CIITA: variants seen among roughly 807,000 people sequenced by gnomAD.
CIITA encodes MHC class II transactivator.
In CIITA, 72 loss-of-function variants were observed where a neutral mutation model predicts 115.1. The observed-to-expected ratio is 0.63, with a 90% CI of 0.52 to 0.76. The LOEUF (loss-of-function observed/expected upper bound fraction) is 0.76, where lower values mean the gene tolerates loss of function less well. CIITA is among the 30% of genes least tolerant of loss of function. CIITA has a pLI of 0.00. For missense variants in CIITA, 1,617 were observed against 1,463.8 expected (o/e 1.10, Z -1.71); for synonymous variants, 763 against 635.6 (o/e 1.20, Z -3.02).
chr16:10,881,045 G>C (rs544017089), intron 1 of CIITA, among the ~76,000 whole-genome samples: 223 of 152,120 alleles, frequency 1.5e-3, no homozygotes, highest in Middle Eastern at 3.2e-3. Flanking sequence ...AGGCCGAGGC[G>C]GGTGGATTGC....
chr16:10,887,655 C>A (rs1243420645), intron 1 of CIITA, among the ~76,000 whole-genome samples: 1 of 152,140 alleles, frequency 6.6e-6, no homozygotes, highest in African/African-American at 2.4e-5. Context: ...ACCACCACGC[C>A]CAGCTCATTT....
chr16:10,882,555 C>A (rs368983572), intron 1 of CIITA, among the ~76,000 whole-genome samples: 15 of 151,780 alleles, frequency 9.9e-5, no homozygotes, highest in African/African-American at 3.1e-4. Context: ...AGAGCAAGAC[C>A]TTTTTTTAGG....
chr16:10,884,924 A>C (rs1213551789), intron 1 of CIITA, among the ~76,000 whole-genome samples: 1 of 152,048 alleles, frequency 6.6e-6, no homozygotes, highest in African/African-American at 2.4e-5. Flanking sequence ...GACATAATTG[A>C]ATCCTGCCTC....
intron 13 of CIITA, among the ~76,000 whole-genome samples, chr16:10,914,629 T>G (rs2039824176): frequency 6.6e-6 from 1 of 152,158 alleles, no homozygotes. Context: ...TTGTCCTTAT[T>G]TTTCTCATCC....
At chr16:10,908,208 G>A in intron 11 of CIITA, 59 bp downstream of exon 11, 1 of 1,541,592 alleles carries the variant, frequency 6.5e-7, no homozygotes, top group Non-Finnish European at 8.8e-7. Context: ...TGCGGTCTTG[G>A]TGCCAAGCCC....
rs8045414 is a variant in CIITA, at chr16:10,925,627, G to T, written c.*1772G>T. On this transcript the variant is annotated 3_prime_UTR_variant, in exon 20 of 20. Coordinates refer to ENST00000324288, the MANE Select transcript of CIITA (RefSeq NM_000246.4). ...ACCCAGCCCACTTCTGCCATATTCT[G>T]TTGGCCAGTGTGACAAGGATTGCTA... 6.6e-6 allele frequency: 1 copy of T among 152,324 alleles called. No homozygotes were observed. Among genetic ancestry groups the T allele is most frequent in the Non-Finnish European group, 1.5e-5 (1 of 68,134 alleles). The allele number at this position is 152,324 out of a possible 1,614,324, so 9.4% of individuals were successfully genotyped here. A position where few individuals can be genotyped will look rare whatever the true frequency, so the allele number is the denominator to read the frequency against.
At chr16:10,868,959 G>A (rs1008096225) in intron 1 of CIITA, among the ~76,000 whole-genome samples, 1 of 152,228 alleles carries the variant, frequency 6.6e-6, no homozygotes, top group African/African-American at 2.4e-5. Context: ...ACCTGCGACA[G>A]TGGGCAGGTG....
Position 10,895,313 on chromosome 16 carries a change from G to A in CIITA, c.84G>A (p.Gly28=), listed in dbSNP as rs2038012642. Residue 28 remains glycine (G), a synonymous_variant, in exon 2 of 20, where the codon GGG becomes GGA. Coordinates refer to ENST00000324288, the MANE Select transcript of CIITA (RefSeq NM_000246.4). ...CACAGTGTGCCACCATGGAGTTGGGGCCCCTAGAAGGTGGCTACCTGGAGC... is the reference window on the plus strand; with the variant it reads ...CACAGTGTGCCACCATGGAGTTGGGACCCCTAGAAGGTGGCTACCTGGAGC... ...GSSQCATMEL[G]PLEGGYLELL... 1 of 1,613,974 alleles carries A rather than the reference G, an allele frequency of 6.2e-7. No homozygotes were observed.
rs371668198 is a variant in CIITA, at chr16:10,909,199, G to C, written c.2816+12G>C. On this transcript the variant is annotated intron_variant, in intron 12 of 19. Transcript: ENST00000324288. ...GTGCAGACTCAGAGGTGAGAGGAGAGGCGGATGGGAGGTGGTTCACGCCAT... is the reference window on the plus strand; with the variant it reads ...GTGCAGACTCAGAGGTGAGAGGAGACGCGGATGGGAGGTGGTTCACGCCAT... The C allele has an allele frequency of 8.1e-6, 13 of 1,613,990 alleles. No individual in the cohort carries two copies. The highest frequency in any genetic ancestry group is 1.1e-5 in the Non-Finnish European group (13 of 1,179,932).
chr16:10,889,744 C>A (rs2037356461), intron 1 of CIITA, among the ~76,000 whole-genome samples: 1 of 152,270 alleles, frequency 6.6e-6, no homozygotes, highest in Non-Finnish European at 1.5e-5. Flanking sequence ...GTCTCAAACT[C>A]CTGACCTCAA....
rs1567455579 is a variant in CIITA at position 10,925,737 on chromosome 16, C to G, written c.*1882C>G. On this transcript the variant is annotated 3_prime_UTR_variant, in exon 20 of 20. Coordinates refer to ENST00000324288, the MANE Select transcript of CIITA (RefSeq NM_000246.4). ...ACATACACACACACGCGTGCACACA[C>G]CAGAGCCCACCTTGGCTCAAGTCCT... The G allele has an allele frequency of 6.6e-6, 1 of 152,274 alleles. No individual in the cohort carries two copies. The allele number at this position is 152,274 out of a possible 1,614,324, so 9.4% of individuals were successfully genotyped here. A position where few individuals can be genotyped will look rare whatever the true frequency, so the allele number is the denominator to read the frequency against.
At chr16:10,887,860 CCTT>C (rs1225103233) in intron 1 of CIITA, among the ~76,000 whole-genome samples, 1 of 152,138 alleles carries the variant, frequency 6.6e-6, no homozygotes, top group Non-Finnish European at 1.5e-5. Context: ...AGCAAAAGAG[CCTT>C]CTTCTCCCTT....
intron 1 of CIITA, among the ~76,000 whole-genome samples, chr16:10,886,984 C>A (rs2143892352): frequency 6.6e-6 from 1 of 152,318 alleles, no homozygotes; most frequent in African/African-American, 2.4e-5. Flanking sequence ...AGGAACTGAG[C>A]TCAGTGACTT....
At chr16:10,877,926 A>G (rs1232387784) in intron 1 of CIITA, among the ~76,000 whole-genome samples, 1 of 152,130 alleles carries the variant, frequency 6.6e-6, no homozygotes, top group Non-Finnish European at 1.5e-5. Flanking sequence ...TGGTGGGAAG[A>G]GCACAGTGCA....
chr16:10,916,079 A>C (rs7186030), intron 14 of CIITA, among the ~76,000 whole-genome samples: 2,404 of 152,316 alleles, frequency 0.016, 73 homozygotes, highest in African/African-American at 0.053. Context: ...CCTACTTTAC[A>C]GTGGAGGTTA....
At position 10,928,739 on chromosome 16, in the gene CIITA, G is replaced by C. The variant is rs907552257; in HGVS notation, c.*4884G>C. 6.6e-6 allele frequency: 1 copy of C among 152,288 alleles called. No individual in the cohort carries two copies. The highest frequency in any genetic ancestry group is 2.4e-5 in the African/African-American group (1 of 41,424). 9.4% of individuals were successfully genotyped at this position (152,288 alleles called of 1,614,324 possible). On this transcript the variant is annotated 3_prime_UTR_variant, in exon 20 of 20. Coordinates refer to ENST00000324288, the MANE Select transcript of CIITA (RefSeq NM_000246.4). ...ATGCTGTCCCTGGCTTGTGGAGTGG[G>C]GCAGGGGGCCAGCCTGGGACTTTCA...
In CIITA at chr16:10,941,599, T is replaced by G; in HGVS notation, n.725T>G. On this transcript the variant is annotated non_coding_transcript_exon_variant, in exon 2 of 2. Coordinates refer to the CIITA transcript ENST00000573379. The surrounding 1 kb of genome is among the most constrained non-coding windows in gnomAD (Gnocchi z 6.4). ...TCGGAGGCAGGGGAGGGTCTCCTCC[T>G]GGGGAACCATCCCCGTCCAGATGGT... is the stretch of plus-strand genomic sequence containing the variant. 1 of 1,486,304 alleles carries G rather than the reference T, an allele frequency of 6.7e-7. No individual in the cohort carries two copies. The highest frequency in any genetic ancestry group is 1.4e-5 in the South Asian group (1 of 71,426). 92.1% of individuals were successfully genotyped at this position (1,486,304 alleles called of 1,614,324 possible). A position where few individuals can be genotyped will look rare whatever the true frequency, so the allele number is the denominator to read the frequency against.
At chr16:10,868,093 C>T (rs553286980) in intron 1 of CIITA, among the ~76,000 whole-genome samples, 1 of 152,250 alleles carries the variant, frequency 6.6e-6, no homozygotes, top group African/African-American at 2.4e-5. Context: ...GGTGTTTGTT[C>T]CATCTCCTTC....
intron 1 of CIITA, among the ~76,000 whole-genome samples, chr16:10,891,327 G>C (rs1348122685): frequency 1.3e-5 from 2 of 152,152 alleles, no homozygotes; most frequent in Non-Finnish European, 2.9e-5. Flanking sequence ...ATGAGGTCTT[G>C]TGCAAGTCAC....
Sources: gnomAD v4.1 joint callset for allele counts (sites outside exome capture counted in the v4.1 genomes callset) on GRCh38, gnomAD v4.1.1 for gene constraint, Gnocchi (gnomAD v3.1) non-coding constraint, MANE v1.5 for transcripts, NCBI Gene and HGNC (gene_info 2026-07-23, HGNC 2026-07-21) for gene names.